The following PAN3 variants were observed in gnomAD, a reference collection of about 807,000 sequenced individuals.
The protein encoded by PAN3 is PAN2-PAN3 deadenylation complex subunit PAN3.
PAN3 carries 19 observed loss-of-function variants against 96.2 expected under a neutral mutation model. That is an observed-to-expected ratio of 0.20 (90% confidence interval 0.14 to 0.29). The LOEUF is 0.29. Ranked by LOEUF, PAN3 falls within the 10% of genes least tolerant of loss-of-function variation. The probability of loss-of-function intolerance (pLI) is 1.00; values close to 1 mark genes in which losing one functional copy is unlikely to be tolerated. For synonymous variants in PAN3, 433 were observed against 406.6 expected (o/e 1.06, Z -0.78); for missense variants, 882 against 1,108.1 (o/e 0.80, Z 2.90).
chr13:28,211,896 G>A (rs945270661), intron 5 of PAN3, among the ~76,000 whole-genome samples: 9 of 152,282 alleles, frequency 5.9e-5, no homozygotes, highest in Admixed American at 3.9e-4. Flanking sequence ...TCCCAACCTT[G>A]TATAGAAAGG....
chr13:28,287,608 A>G (rs979333880), intron 17 of PAN3, among the ~76,000 whole-genome samples: 7 of 152,160 alleles, frequency 4.6e-5, no homozygotes, highest in Non-Finnish European at 8.8e-5. Flanking sequence ...TTTCTATTTT[A>G]TGCTTATTGG....
In PAN3 at chr13:28,257,765, TATTA is replaced by T. The variant is rs1885323862; in HGVS notation, c.1248+1227_1248+1230del. 2.2e-5 allele frequency among the ~76,000 whole-genome samples: 3 copies of T among 138,900 alleles called. No homozygotes were observed. The South Asian group carries it at 6.9e-4, about 32-fold the overall frequency. 91.1% of individuals were successfully genotyped at this position (138,900 alleles called of 152,430 possible). A position where few individuals can be genotyped will look rare whatever the true frequency, so the allele number is the denominator to read the frequency against. ...TATATATAATATATAATTAATTATATATTATATATAAATTATATATAATATATAA... is the reference window on the plus strand; with the variant it reads ...TATATATAATATATAATTAATTATATTATATAAATTATATATAATATATAA... On this transcript the variant is annotated intron_variant, in intron 7 of 18. Transcript: ENST00000380958.
chr13:28,168,625 A>G (rs1165968935), intron 1 of PAN3, among the ~76,000 whole-genome samples: 4 of 152,118 alleles, frequency 2.6e-5, no homozygotes, highest in Non-Finnish European at 4.4e-5. Flanking sequence ...AGGCTGAGGC[A>G]GGAGAATTGC....
At chr13:28,264,500 C>T in intron 9 of PAN3, among the ~76,000 whole-genome samples, 1 of 152,020 alleles carries the variant, frequency 6.6e-6, no homozygotes, top group East Asian at 1.9e-4. Flanking sequence ...TGCCATTGCG[C>T]TCCATCCTGG....
intron 9 of PAN3, among the ~76,000 whole-genome samples, chr13:28,265,139 T>C (rs1381853323): frequency 3.9e-5 from 6 of 152,256 alleles, no homozygotes; most frequent in Non-Finnish European, 2.9e-5. Context: ...TTATGGACAT[T>C]ATACCAATCA....
chr13:28,145,592 G>A (rs1478019100), intron 1 of PAN3, among the ~76,000 whole-genome samples: 1 of 151,656 alleles, frequency 6.6e-6, no homozygotes, highest in African/African-American at 2.4e-5. Flanking sequence ...CTCCCAAAGT[G>A]CTAGGATTAT....
intron 1 of PAN3, among the ~76,000 whole-genome samples, chr13:28,165,206 G>A (rs1243637467): frequency 1.3e-5 from 2 of 151,860 alleles, no homozygotes; most frequent in African/African-American, 2.4e-5. Flanking sequence ...GTGCCCAGCC[G>A]AAGTTCTGAT....
intron 5 of PAN3, among the ~76,000 whole-genome samples, chr13:28,198,951 G>T (rs2138243116): frequency 1.3e-5 from 2 of 152,316 alleles, no homozygotes; most frequent in Middle Eastern, 3.4e-3. Flanking sequence ...TGTAGTATTT[G>T]CTCCAGCTGA....
At chr13:28,258,341 G>T (rs988879982) in intron 7 of PAN3, among the ~76,000 whole-genome samples, 16 of 152,120 alleles carry the variant, frequency 1.1e-4, no homozygotes, top group African/African-American at 3.6e-4. Flanking sequence ...AAATAGAAAA[G>T]ATATTTAAAA....
chr13:28,289,030 G>A (rs1011406553), intron 18 of PAN3, among the ~76,000 whole-genome samples: 2 of 151,906 alleles, frequency 1.3e-5, no homozygotes, highest in Non-Finnish European at 2.9e-5. Flanking sequence ...ATTTCACCAT[G>A]TTAGCCAGGA....
At chr13:28,164,211 T>G (rs1593389411) in intron 1 of PAN3, among the ~76,000 whole-genome samples, 1 of 152,098 alleles carries the variant, frequency 6.6e-6, no homozygotes, top group African/African-American at 2.4e-5. Flanking sequence ...TAAAATAACT[T>G]TAAGATATTG....
chr13:28,151,276 G>C (rs1177355727), intron 1 of PAN3, among the ~76,000 whole-genome samples: 1 of 152,162 alleles, frequency 6.6e-6, no homozygotes, highest in Non-Finnish European at 1.5e-5. Flanking sequence ...AGCACTTTGG[G>C]AGGCCGAGGT....
Position 28,219,521 on chromosome 13 carries a change from A to G in PAN3, c.853-710A>G, listed in dbSNP as rs532796332. ...TAGACTTTTTATGAATCTTATGTAT[A>G]GTCTCATATGTTCTAGTATTTCTTA... On this transcript the variant is annotated intron_variant, in intron 5 of 18. Coordinates refer to ENST00000380958, the MANE Select transcript of PAN3 (RefSeq NM_175854.8). Among the ~76,000 whole-genome samples the G allele has an allele frequency of 3.0e-4, 46 of 152,282 alleles. 1 individual carries two copies. In the South Asian group the frequency reaches 9.1e-3, roughly 30 times the overall value.
chr13:28,224,867 C>T (rs570662734), intron 6 of PAN3, among the ~76,000 whole-genome samples: 2 of 152,256 alleles, frequency 1.3e-5, no homozygotes, highest in Non-Finnish European at 2.9e-5. Flanking sequence ...GTGATCCTTT[C>T]TCCTCAGTCT....
In PAN3 at chr13:28,282,545, C is replaced by T. The variant is rs147584267; in HGVS notation, c.2384+1166C>T. ...GCTTATAGTTCTATTCTTGATTCCC[C>T]CAATATATAATTCAGCTAATGACTC... On this transcript the variant is annotated intron_variant, in intron 17 of 18. Coordinates refer to ENST00000380958, the MANE Select transcript of PAN3 (RefSeq NM_175854.8). Among the ~76,000 whole-genome samples, 473 of 152,214 alleles carry T rather than the reference C, an allele frequency of 3.1e-3. 3 individuals carry two copies. Among genetic ancestry groups the T allele is most frequent in the African/African-American group, 0.011 (451 of 41,532 alleles).
intron 4 of PAN3, among the ~76,000 whole-genome samples, chr13:28,191,352 T>G (rs1877235365): frequency 6.6e-6 from 1 of 152,208 alleles, no homozygotes. Context: ...TTGCCTCAAG[T>G]TCATATCCTT....
Position 28,150,874 on chromosome 13 carries a change from T to C in PAN3, c.430+11787T>C, listed in dbSNP as rs115003593. On this transcript the variant is annotated intron_variant, in intron 1 of 18. Coordinates refer to ENST00000380958, the MANE Select transcript of PAN3 (RefSeq NM_175854.8). ...AATCCCTTCTTTTGTGGACCTTACC[T>C]CTTAATGGGTAAAGCAGACAGTATT... is the stretch of plus-strand genomic sequence containing the variant. Among the ~76,000 whole-genome samples, 854 of 152,310 alleles carry C rather than the reference T, an allele frequency of 5.6e-3. 4 individuals carry two copies. Among genetic ancestry groups the C allele is most frequent in the African/African-American group, 0.02 (829 of 41,566 alleles).
At chr13:28,193,927 C>T (rs1310812360) in intron 4 of PAN3, among the ~76,000 whole-genome samples, 2 of 151,806 alleles carry the variant, frequency 1.3e-5, no homozygotes, top group East Asian at 3.9e-4. Flanking sequence ...GAGGCCGAGG[C>T]AGGTGGATCA....
intron 6 of PAN3, among the ~76,000 whole-genome samples, chr13:28,253,572 A>G (rs928467321): frequency 1.4e-5 from 2 of 146,838 alleles, no homozygotes; most frequent in Non-Finnish European, 3.0e-5. Context: ...TACATGTTTT[A>G]TTTTGAATGT....
Sources: gnomAD v4.1 joint callset for allele counts (sites outside exome capture counted in the v4.1 genomes callset) on GRCh38, gnomAD v4.1.1 for gene constraint, MANE v1.5 for transcripts, NCBI Gene and HGNC (gene_info 2026-07-23, HGNC 2026-07-21) for gene names.